The following PTPRD variants were observed in gnomAD, a reference collection of about 807,000 sequenced individuals.
The protein encoded by PTPRD is protein tyrosine phosphatase receptor type D, also known as receptor-type tyrosine-protein phosphatase delta.
A neutral mutation model predicts 214.5 loss-of-function variants in PTPRD; 34 were observed. The observed-to-expected ratio is 0.16, with a 90% CI of 0.12 to 0.21. PTPRD has a LOEUF of 0.21. Ranked by LOEUF, PTPRD falls within the 10% of genes least tolerant of loss-of-function variation. PTPRD has a pLI of 1.00. For missense variants in PTPRD, 2,545 were observed against 2,398.7 expected (o/e 1.06, Z -1.27); for synonymous variants, 1,128 against 845.7 (o/e 1.33, Z -5.79).
At chr9:8,860,189 T>C (rs1255846030) in intron 11 of PTPRD, 1 of 152,220 alleles carries the variant, frequency 6.6e-6, no homozygotes, top group East Asian at 1.9e-4. Flanking sequence ...GTTACTTTTG[T>C]GGGAAATGTA....
intron 11 of PTPRD, among the ~76,000 whole-genome samples, chr9:8,874,193 G>A (rs2098351020): frequency 6.6e-6 from 1 of 152,178 alleles, no homozygotes; most frequent in African/African-American, 2.4e-5. Context: ...TAATGAAACT[G>A]ATGGCCCATG....
At chr9:9,331,796 G>T (rs1036433754) in intron 9 of PTPRD, among the ~76,000 whole-genome samples, 5 of 151,986 alleles carry the variant, frequency 3.3e-5, no homozygotes, top group African/African-American at 1.2e-4. Flanking sequence ...CATAGCAGAA[G>T]AAGGGCATGC....
intron 7 of PTPRD, among the ~76,000 whole-genome samples, chr9:9,697,035 G>GA (rs1174303569): frequency 6.6e-6 from 1 of 151,956 alleles, no homozygotes; most frequent in Non-Finnish European, 1.5e-5. Context: ...TGATCACAAA[G>GA]AAAAAATTAG....
intron 3 of PTPRD, among the ~76,000 whole-genome samples, chr9:10,120,207 T>G (rs1353119596): frequency 5.9e-5 from 9 of 152,080 alleles, no homozygotes; most frequent in Admixed American, 2.6e-4. Flanking sequence ...AATGAATTAC[T>G]TGCATTATTT....
intron 3 of PTPRD, among the ~76,000 whole-genome samples, chr9:10,173,403 T>C (rs1432446602): frequency 6.6e-6 from 1 of 152,162 alleles, no homozygotes; most frequent in Non-Finnish European, 1.5e-5. Flanking sequence ...GATTTGCCCG[T>C]AGTGACTCAC....
intron 3 of PTPRD, among the ~76,000 whole-genome samples, chr9:10,036,959 C>A (rs2097195862): frequency 6.6e-6 from 1 of 151,988 alleles, no homozygotes; most frequent in African/African-American, 2.4e-5. Flanking sequence ...TCATGGTTTA[C>A]TGCAGCTTCA....
rs372953261 is a variant in PTPRD at position 10,405,194 on chromosome 9, T to C, written c.-599-64177A>G. ...GAACTGGGGTCAGCTCTTAGATAGA[T>C]TCATGTCAAAATGCCAGACCATTAT... On this transcript the variant is annotated intron_variant, in intron 2 of 45. Transcript: ENST00000381196. 2.5e-4 allele frequency among the ~76,000 whole-genome samples: 38 copies of C among 151,788 alleles called. No homozygotes were observed. In the East Asian group the frequency reaches 7.2e-3, roughly 29 times the overall value.
intron 2 of PTPRD, among the ~76,000 whole-genome samples, chr9:10,573,043 TG>T (rs2067991949): frequency 1.3e-5 from 2 of 152,144 alleles, no homozygotes; most frequent in African/African-American, 2.4e-5. Flanking sequence ...AGTTGTCAAC[TG>T]AAATTTGACA....
chr9:10,132,852 G>A (rs1265135893), intron 3 of PTPRD, among the ~76,000 whole-genome samples: 8 of 152,096 alleles, frequency 5.3e-5, no homozygotes, highest in Non-Finnish European at 1.0e-4. Flanking sequence ...ATGACACCAA[G>A]GAGCCCTTCC....
chr9:9,560,044 C>T (rs537476057), intron 8 of PTPRD, among the ~76,000 whole-genome samples: 23 of 152,338 alleles, frequency 1.5e-4, no homozygotes, highest in African/African-American at 5.3e-4. Context: ...TCGGCCAGTT[C>T]TCTTACCAAA....
At chr9:8,535,569 T>C (rs2076728709) in intron 14 of PTPRD, among the ~76,000 whole-genome samples, 1 of 151,936 alleles carries the variant, frequency 6.6e-6, no homozygotes, top group Admixed American at 6.6e-5. Flanking sequence ...CAACTGTTTT[T>C]CCCTATATCA....
intron 11 of PTPRD, among the ~76,000 whole-genome samples, chr9:8,922,082 A>G (rs2098831871): frequency 6.6e-6 from 1 of 152,214 alleles, no homozygotes; most frequent in Non-Finnish European, 1.5e-5. Context: ...TAACAGGCAG[A>G]GAATTCGTGT....
intron 14 of PTPRD, among the ~76,000 whole-genome samples, chr9:8,550,321 G>C (rs1204763356): frequency 6.6e-6 from 1 of 152,054 alleles, no homozygotes; most frequent in Non-Finnish European, 1.5e-5. Context: ...ATGATTTAAT[G>C]CATGTATGGC....
In PTPRD at chr9:9,681,635, T is replaced by C. The variant is rs185618584; in HGVS notation, c.-287+52898A>G. Among the ~76,000 whole-genome samples, 389 of 151,874 alleles carry C rather than the reference T, an allele frequency of 2.6e-3. 2 individuals carry two copies. The highest frequency in any genetic ancestry group is 8.7e-3 in the African/African-American group (361 of 41,498). On this transcript the variant is annotated intron_variant, in intron 7 of 45. Coordinates refer to ENST00000381196, the MANE Select transcript of PTPRD (RefSeq NM_002839.4). ...CATCTTAAAAGAAGCAAACACCAGA[T>C]TGCGTCCCTTCTCCTTACATCTTTT...
chr9:9,935,192 C>G lies in PTPRD; in HGVS notation c.-368+3315G>C, dbSNP rs1359365465. On this transcript the variant is annotated intron_variant, in intron 5 of 45. Transcript: ENST00000381196. ...GACAGGGATGCCCTCTCTCACCACT[C>G]CTATTCAACATAGTGTTGGAAGTTC... Among the ~76,000 whole-genome samples, 5 of 152,054 alleles carry G rather than the reference C, an allele frequency of 3.3e-5. No individual in the cohort carries two copies. The South Asian group carries it at 1.0e-3, about 32-fold the overall frequency.
At chr9:10,024,658 T>C (rs1421584536) in intron 4 of PTPRD, among the ~76,000 whole-genome samples, 5 of 151,738 alleles carry the variant, frequency 3.3e-5, no homozygotes, top group Non-Finnish European at 5.9e-5. Context: ...ACTTTAAGTT[T>C]TAGGGTACAT....
At chr9:8,805,770 C>T (rs146135018) in intron 11 of PTPRD, among the ~76,000 whole-genome samples, 47 of 151,118 alleles carry the variant, frequency 3.1e-4, no homozygotes, top group African/African-American at 9.4e-4. Context: ...CTGAGGCGGA[C>T]GGATCATGAG....
chr9:10,576,516 C>T (rs1158587179), intron 2 of PTPRD, among the ~76,000 whole-genome samples: 1 of 152,122 alleles, frequency 6.6e-6, no homozygotes. Context: ...TAATGTTGCA[C>T]AGTGAAATAA....
intron 11 of PTPRD, among the ~76,000 whole-genome samples, chr9:8,913,899 T>C (rs1333887717): frequency 6.6e-6 from 1 of 152,166 alleles, no homozygotes; most frequent in Non-Finnish European, 1.5e-5. Context: ...CATTTATTTG[T>C]CTATTCAACA....
Sources: gnomAD v4.1 joint callset for allele counts (sites outside exome capture counted in the v4.1 genomes callset) on GRCh38, gnomAD v4.1.1 for gene constraint, MANE v1.5 for transcripts, NCBI Gene and HGNC (gene_info 2026-07-23, HGNC 2026-07-21) for gene names.